ZSWIM5: variants seen among roughly 807,000 people sequenced by gnomAD.
ZSWIM5 encodes the protein zinc finger SWIM-type containing 5.
In ZSWIM5, 55 loss-of-function variants were observed where a neutral mutation model predicts 119.6. The ratio of observed to expected loss-of-function variants is 0.46; its 90% CI spans 0.37 to 0.58. The LOEUF (loss-of-function observed/expected upper bound fraction) is 0.58, where lower values mean the gene tolerates loss of function less well. ZSWIM5 is among the 20% of genes least tolerant of loss of function. The pLI, the probability that ZSWIM5 is intolerant of heterozygous loss-of-function variation, is 0.00. For synonymous variants in ZSWIM5, 537 were observed against 606.9 expected, an observed-to-expected ratio of 0.88 and a Z score of 1.69; for missense variants, 1,193 against 1,512.8, an observed-to-expected ratio of 0.79 and a Z score of 3.51.
chr1:45,168,386 C>T (rs865957452), intron 1 of ZSWIM5, among the ~76,000 whole-genome samples: 8 of 151,756 alleles, frequency 5.3e-5, no homozygotes, highest in Non-Finnish European at 1.0e-4. Flanking sequence ...ATGTAAATGA[C>T]GAGTTAATGG....
chr1:45,071,034 T>C (rs1244254005), intron 2 of ZSWIM5, among the ~76,000 whole-genome samples: 2 of 152,200 alleles, frequency 1.3e-5, no homozygotes, highest in African/African-American at 2.4e-5. Context: ...GTACATGAGA[T>C]GTTTTGATAG....
intron 1 of ZSWIM5, among the ~76,000 whole-genome samples, chr1:45,133,577 G>C (rs1260884996): frequency 2.6e-5 from 4 of 152,120 alleles, no homozygotes; most frequent in Non-Finnish European, 5.9e-5. Context: ...TCACTCTGAT[G>C]GTAGTTTCTT....
At chr1:45,096,004 C>A (rs1645398824) in intron 1 of ZSWIM5, among the ~76,000 whole-genome samples, 1 of 152,172 alleles carries the variant, frequency 6.6e-6, no homozygotes, top group African/African-American at 2.4e-5. Flanking sequence ...GGAAAAACAA[C>A]TACTTTATAA....
chr1:45,019,956 G>C lies in ZSWIM5; in HGVS notation c.2695+110C>G. On this transcript the variant is annotated intron_variant, in intron 13 of 13. Transcript: ENST00000359600. The surrounding 1 kb of genome is among the most constrained non-coding windows in gnomAD (Gnocchi z 5.0). ...TCCTTTCTTAGGCCATCTCCTGATG[G>C]ACCTAAGATCTCATAGGAATATGAG... 5 of 940,488 alleles carry C rather than the reference G, an allele frequency of 5.3e-6. No homozygotes were observed. The highest frequency in any genetic ancestry group is 8.2e-6 in the Non-Finnish European group (5 of 610,232). The allele number at this position is 940,488 out of a possible 1,614,324, so 58.3% of individuals were successfully genotyped here.
At chr1:45,178,141 T>C (rs1231337255) in intron 1 of ZSWIM5, among the ~76,000 whole-genome samples, 2 of 151,686 alleles carry the variant, frequency 1.3e-5, no homozygotes, top group African/African-American at 4.8e-5. Flanking sequence ...ATTAGACAAA[T>C]GGCGCCGGGC....
intron 1 of ZSWIM5, among the ~76,000 whole-genome samples, chr1:45,149,931 G>A (rs1470720817): frequency 6.6e-6 from 1 of 151,918 alleles, no homozygotes; most frequent in Admixed American, 6.6e-5. Flanking sequence ...AGCTTTGGGA[G>A]GCCAAAGTGG....
intron 3 of ZSWIM5, among the ~76,000 whole-genome samples, chr1:45,059,416 T>A (rs1645140782): frequency 2.0e-5 from 3 of 152,164 alleles, no homozygotes; most frequent in Non-Finnish European, 2.9e-5. Context: ...GACTACATAC[T>A]ATATGAATGA....
Position 45,044,765 on chromosome 1 carries a change from A to ATT in ZSWIM5, c.1433-1371_1433-1370insAA, listed in dbSNP as rs71040538. Among the ~76,000 whole-genome samples, 2 of 6,806 alleles carry ATT rather than the reference A, an allele frequency of 2.9e-4. 1 individual carries two copies. Among genetic ancestry groups the ATT allele is most frequent in the Non-Finnish European group, 5.1e-4 (2 of 3,918 alleles). 4.5% of individuals were successfully genotyped at this position (6,806 alleles called of 152,430 possible). On this transcript the variant is annotated intron_variant, in intron 5 of 13. Coordinates refer to ENST00000359600, the MANE Select transcript of ZSWIM5 (RefSeq NM_020883.2). ...AAAAAAAATATATATATATATATAT[A>ATT]TATATATATAAATATATATATATAA...
Position 45,040,445 on chromosome 1 carries a change from G to A in ZSWIM5, c.1703C>T (p.Thr568Ile). The change falls in exon 7 of 14, where the codon ACT (threonine) becomes ATT (isoleucine). Residue 568 changes from threonine (T) to isoleucine (I), a missense_variant. Coordinates refer to ENST00000359600, the MANE Select transcript of ZSWIM5 (RefSeq NM_020883.2). The part of the protein sequence containing the change: ...ALRLTVAIIN[T>I]LRLQQQRQLE... ...TTGCCGCTGCTGCTGCAACCTCAGA[G>A]TATTAATAATGGCCACTGTGAGTCT... The A allele has an allele frequency of 6.2e-7, 1 of 1,612,260 alleles. No homozygotes were observed. Among genetic ancestry groups the A allele is most frequent in the South Asian group, 1.1e-5 (1 of 90,432 alleles).
intron 5 of ZSWIM5, among the ~76,000 whole-genome samples, chr1:45,048,507 G>C (rs1219726038): frequency 6.6e-6 from 1 of 152,302 alleles, no homozygotes; most frequent in Middle Eastern, 3.4e-3. Context: ...TAACGTGGAT[G>C]AGGAGGAAAA....
At chr1:45,089,634 T>C (rs1645352094) in intron 1 of ZSWIM5, among the ~76,000 whole-genome samples, 1 of 152,214 alleles carries the variant, frequency 6.6e-6, no homozygotes, top group Non-Finnish European at 1.5e-5. Flanking sequence ...CTTTTCATTA[T>C]ATTTCATTAC....
At chr1:45,152,784 C>T (rs1645804848) in intron 1 of ZSWIM5, among the ~76,000 whole-genome samples, 1 of 152,028 alleles carries the variant, frequency 6.6e-6, no homozygotes, top group African/African-American at 2.4e-5. Context: ...GGCTTTTACA[C>T]AGCAAAAGAA....
At chr1:45,107,005 T>C (rs999788633) in intron 1 of ZSWIM5, among the ~76,000 whole-genome samples, 2 of 152,204 alleles carry the variant, frequency 1.3e-5, no homozygotes, top group African/African-American at 4.8e-5. Context: ...AAACAGATAC[T>C]TGAAGACAGC....
At chr1:45,159,921 T>G (rs942827194) in intron 1 of ZSWIM5, among the ~76,000 whole-genome samples, 1 of 152,148 alleles carries the variant, frequency 6.6e-6, no homozygotes, top group South Asian at 2.1e-4. Context: ...AAATCACTGA[T>G]AGAAAGAATA....
chr1:45,120,283 G>T (rs183585652), intron 1 of ZSWIM5, among the ~76,000 whole-genome samples: 1 of 152,148 alleles, frequency 6.6e-6, no homozygotes, highest in Non-Finnish European at 1.5e-5. Context: ...GGGGGAGGTC[G>T]CAGTGAGCCG....
rs1312015852 is a variant in ZSWIM5, at chr1:45,072,960, A to G, written c.953-12713T>C. Among the ~76,000 whole-genome samples, 1 of 152,016 alleles carries G rather than the reference A, an allele frequency of 6.6e-6. No individual in the cohort carries two copies. Among genetic ancestry groups the G allele is most frequent in the Non-Finnish European group, 1.5e-5 (1 of 68,034 alleles). ...TAGAATTGTGTTTTCTATTTCTGTG[A>G]AGAATGTCATTGGTATTTTGATAGG... is the stretch of plus-strand genomic sequence containing the variant. On this transcript the variant is annotated intron_variant, in intron 2 of 13. Transcript: ENST00000359600. This position sits in a 1 kb window ranked among gnomAD's most constrained non-coding sequence, Gnocchi z 4.1.
chr1:45,154,621 C>A (rs1178620719), intron 1 of ZSWIM5, among the ~76,000 whole-genome samples: 1 of 152,154 alleles, frequency 6.6e-6, no homozygotes. Context: ...GTGGCTCACG[C>A]CTGTAATCCC....
intron 1 of ZSWIM5, among the ~76,000 whole-genome samples, chr1:45,089,818 A>G (rs1017178272): frequency 2.2e-4 from 33 of 151,572 alleles, no homozygotes; most frequent in African/African-American, 7.8e-4. Flanking sequence ...ACACAAAATA[A>G]AAAAAAAGTA....
intron 1 of ZSWIM5, among the ~76,000 whole-genome samples, chr1:45,117,501 C>A (rs1316988343): frequency 6.6e-6 from 1 of 152,058 alleles, no homozygotes; most frequent in Non-Finnish European, 1.5e-5. Flanking sequence ...ATAGTGAAAC[C>A]CTGTCTACTA....
Sources: allele counts gnomAD v4.1 joint callset (sites outside exome capture counted in the v4.1 genomes callset), GRCh38; gene constraint gnomAD v4.1.1; non-coding constraint Gnocchi (gnomAD v3.1); transcripts MANE v1.5; gene names NCBI Gene and HGNC (gene_info 2026-07-23, HGNC 2026-07-21).